The following TECR variants were observed in gnomAD, a reference collection of about 807,000 sequenced individuals.
The protein encoded by TECR is trans-2,3-enoyl-CoA reductase.
In TECR, 19 loss-of-function variants were observed where a neutral mutation model predicts 50.6. That is an observed-to-expected ratio of 0.38 (90% CI 0.26 to 0.55). The LOEUF is 0.55. Ranked by LOEUF, TECR falls within the 20% of genes least tolerant of loss-of-function variation. The probability of loss-of-function intolerance (pLI) is 0.79; values close to 1 mark genes in which losing one functional copy is unlikely to be tolerated. For synonymous variants in TECR, 168 were observed against 163.5 expected (o/e 1.03, Z -0.21); for missense variants, 313 against 408.3 (o/e 0.77, Z 2.01).
At chr19:14,539,998 G>C (rs2073040812) in intron 1 of TECR, among the ~76,000 whole-genome samples, 1 of 151,352 alleles carries the variant, frequency 6.6e-6, no homozygotes, top group African/African-American at 2.4e-5. Flanking sequence ...TCCTGCCTCA[G>C]CCTCCTGAGT....
chr19:14,546,746 G>T (rs182993461), intron 1 of TECR, among the ~76,000 whole-genome samples: 113 of 151,836 alleles, frequency 7.4e-4, no homozygotes, highest in Admixed American at 9.8e-4. Context: ...GTGCCGTGTC[G>T]CGATCTTGGC....
intron 1 of TECR, among the ~76,000 whole-genome samples, chr19:14,539,694 G>A (rs922946489): frequency 2.0e-5 from 3 of 151,924 alleles, no homozygotes; most frequent in Admixed American, 6.6e-5. Context: ...CTATTCCCTC[G>A]GCCCTGGATG....
chr19:14,543,419 A>ATTT (rs1169742953), intron 1 of TECR, among the ~76,000 whole-genome samples: 1 of 21,892 alleles, frequency 4.6e-5, no homozygotes, highest in African/African-American at 2.4e-4. Context: ...ATATATATAT[A>ATTT]TTTTTTTTTT....
intron 1 of TECR, among the ~76,000 whole-genome samples, chr19:14,542,374 T>TTTTTTTTTC (rs1469315066): frequency 2.6e-4 from 31 of 117,246 alleles, no homozygotes; most frequent in African/African-American, 9.3e-4. Context: ...TTTTTTTTTT[T>TTTTTTTTTC]TTCTGAGATG....
intron 1 of TECR, among the ~76,000 whole-genome samples, chr19:14,554,412 T>G (rs1242810783): frequency 6.6e-6 from 1 of 152,148 alleles, no homozygotes; most frequent in African/African-American, 2.4e-5. Flanking sequence ...CTGCCCCTCT[T>G]CTGGGGCTGA....
chr19:14,549,362 G>GCA (rs2073415457), intron 1 of TECR, among the ~76,000 whole-genome samples: 1 of 151,850 alleles, frequency 6.6e-6, no homozygotes, highest in African/African-American at 2.4e-5. Context: ...ACAGGCATGC[G>GCA]CCACCATGCC....
intron 1 of TECR, among the ~76,000 whole-genome samples, chr19:14,543,469 C>G (rs1241361275): frequency 1.4e-3 from 135 of 94,028 alleles, no homozygotes; most frequent in African/African-American, 4.6e-3. Context: ...GACGGAGTCT[C>G]GCTCTGTCGC....
chr19:14,552,736 CTG>C (rs2073576637), intron 1 of TECR, among the ~76,000 whole-genome samples: 1 of 151,868 alleles, frequency 6.6e-6, no homozygotes, highest in Non-Finnish European at 1.5e-5. Flanking sequence ...CGGGGTTTCA[CTG>C]TGTTAGCCAG....
rs10405022 is a variant in TECR at position 14,565,473 on chromosome 19, C to T, written c.754-145C>T. 5.6e-3 allele frequency: 7,830 copies of T among 1,399,850 alleles called. 347 individuals carry two copies. The African/African-American group carries it at 0.097, about 17-fold the overall frequency. The allele number at this position is 1,399,850 out of a possible 1,614,324, so 86.7% of individuals were successfully genotyped here. On this transcript the variant is annotated intron_variant, in intron 11 of 12. Transcript: ENST00000215567. ...GAGGCGTGTGCCGCTGGGCTTCCGC[C>T]GTATACAGCCCCGCCTCCGCTGGAA...
intron 1 of TECR, among the ~76,000 whole-genome samples, chr19:14,537,980 A>G (rs898065792): frequency 6.6e-6 from 1 of 152,108 alleles, no homozygotes; most frequent in African/African-American, 2.4e-5. Context: ...TCTTGACCTC[A>G]GGTGATCCGC....
chr19:14,536,635 TG>T (rs1165551341), intron 1 of TECR: 1 of 152,148 alleles, frequency 6.6e-6, no homozygotes, highest in East Asian at 1.9e-4. Flanking sequence ...CATTGGCTGA[TG>T]GTGTGCATCT....
At chr19:14,553,646 G>C (rs1568418085) in intron 1 of TECR, among the ~76,000 whole-genome samples, 2 of 152,156 alleles carry the variant, frequency 1.3e-5, no homozygotes, top group Non-Finnish European at 2.9e-5. Context: ...GGAGCCGAGA[G>C]GGCTGAGCCG....
chr19:14,565,032 G>C, intron 9 of TECR, 34 bp from the exon 10 acceptor site: 2 of 1,613,924 alleles, frequency 1.2e-6, no homozygotes, highest in South Asian at 2.2e-5. Context: ...GGGGGAGTCT[G>C]GGCGGCCCTA....
chr19:14,539,943 G>GAT (rs2073039189), intron 1 of TECR, among the ~76,000 whole-genome samples: 1 of 151,346 alleles, frequency 6.6e-6, no homozygotes, highest in South Asian at 2.1e-4. Context: ...GCAGTGGTGG[G>GAT]ATTTTGGCTC....
intron 1 of TECR, among the ~76,000 whole-genome samples, chr19:14,538,536 CTTTT>C (rs5827232): frequency 2.2e-5 from 3 of 136,760 alleles, no homozygotes; most frequent in Non-Finnish European, 1.6e-5. Flanking sequence ...TCTTTTTTTT[CTTTT>C]TTTTTTTTTT....
Position 14,564,018 on chromosome 19 carries a change from T to A in TECR, c.304T>A (p.Tyr102Asn). The change falls in exon 6 of 13, where the codon TAC (tyrosine) becomes AAC (asparagine). Residue 102 changes from tyrosine to asparagine, a missense_variant. By Grantham distance (143) the Tyr-to-Asn change is moderately radical. Coordinates refer to ENST00000215567, the MANE Select transcript of TECR (RefSeq NM_138501.6). ...AGAGTACGCGGGGCCCCTTTTCATC[T>A]ACCTGCTCTTCTACTTCCGAGTGCC... ...LTEYAGPLFI[Y>N]LLFYFRVPFI... is the part of the protein sequence containing the mutation. The A allele has an allele frequency of 6.2e-7, 1 of 1,614,046 alleles. No homozygotes were observed. The highest frequency in any genetic ancestry group is 8.5e-7 in the Non-Finnish European group (1 of 1,179,952).
At chr19:14,556,413 A>AAAAACAAAAAAAAAC (rs1555735954) in intron 1 of TECR, among the ~76,000 whole-genome samples, 17 of 86,514 alleles carry the variant, frequency 2.0e-4, no homozygotes, top group African/African-American at 5.0e-4. Context: ...TCTCTCAAAA[A>AAAAACAAAAAAAAAC]AAAAACAAAA....
intron 1 of TECR, chr19:14,530,456 TTTAAG>T (rs2072592541): frequency 6.6e-6 from 1 of 152,218 alleles, no homozygotes; most frequent in Non-Finnish European, 1.5e-5. Context: ...ATTGCTGACT[TTTAAG>T]TAACTATCAT....
Position 14,565,765 on chromosome 19 carries a change from G to A in TECR, c.821G>A (p.Gly274Asp). 1 of 1,611,450 alleles carries A rather than the reference G, an allele frequency of 6.2e-7. No homozygotes were observed. The highest frequency in any genetic ancestry group is 8.5e-7 in the Non-Finnish European group (1 of 1,179,502). Residue 274 changes from glycine to aspartate, a missense_variant, in exon 13 of 13, where the codon GGC becomes GAC. Coordinates refer to ENST00000215567, the MANE Select transcript of TECR (RefSeq NM_138501.6). The stretch of plus-strand genomic sequence containing the variant: ...GCAGTGGCCCTGTTCTCCCTGGTGG[G>A]CTTCACCCAGATGACCATCTGGGCC... The part of the protein sequence containing the change: ...CLPVALFSLV[G>D]FTQMTIWAKG...
Sources: gnomAD v4.1 joint callset for allele counts (sites outside exome capture counted in the v4.1 genomes callset) on GRCh38, gnomAD v4.1.1 for gene constraint, MANE v1.5 for transcripts, NCBI Gene and HGNC (gene_info 2026-07-23, HGNC 2026-07-21) for gene names.